Variants in DOK3 observed in about 807,000 individuals in gnomAD.
DOK3 encodes the protein docking protein 3.
Under a neutral mutation model 26.2 loss-of-function variants are expected in DOK3, and 23 were observed. That is an observed-to-expected ratio of 0.88 (90% CI 0.63 to 1.24). DOK3 has a LOEUF of 1.24. DOK3 is among the 50% of genes most tolerant of loss of function. DOK3 has a pLI of 0.00. For missense variants in DOK3, 619 were observed against 610.6 expected (o/e 1.01, Z -0.15); for synonymous variants, 268 against 268.2 (o/e 1.00, Z 0.01).
At position 177,504,487 on chromosome 5, in the gene DOK3, GGTGGCCC is replaced by G; in HGVS notation, c.812_818del (p.Arg271ProfsTer41). The G allele has an allele frequency of 1.3e-6, 2 of 1,585,996 alleles. No homozygotes were observed. Among genetic ancestry groups the G allele is most frequent in the Non-Finnish European group, 1.7e-6 (2 of 1,168,858 alleles). On this transcript the variant is annotated frameshift_variant, in exon 6 of 6. Transcript: ENST00000510898. LOFTEE classifies it low-confidence loss of function (END_TRUNC). ...CGGGGGTGTCCAGGGAGGGCAGAGA[GGTGGCCC>G]GTGGCAGGGGGCAGGGCTGGGGCCT...
chr5:177,508,738 T>C, intron 2 of DOK3, 196 bp from the exon 3 acceptor site: 1 of 532,044 alleles, frequency 1.9e-6, no homozygotes. Context: ...AGCCCGCTCT[T>C]TCCTAACTGT....
upstream of DOK3, chr5:177,510,028 C>T (rs1368642819): frequency 7.3e-6 from 6 of 824,882 alleles, no homozygotes; most frequent in Non-Finnish European, 1.1e-5. Context: ...TGAAATCTCT[C>T]TCGTGTTCAC....
At position 177,503,623 on chromosome 5, in the gene DOK3, T is replaced by G; in HGVS notation, c.*360A>C. On this transcript the variant is annotated 3_prime_UTR_variant, in exon 6 of 6. Coordinates refer to ENST00000510898, the MANE Select transcript of DOK3 (RefSeq NM_001308236.3). Reference sequence around the variant, plus strand: ...CAGAGCAACATGGAGTCCTAATGATTTCCATCCCGTCTGTCTGCTGCAGTG... The same window carrying G: ...CAGAGCAACATGGAGTCCTAATGATGTCCATCCCGTCTGTCTGCTGCAGTG... The G allele has an allele frequency of 4.7e-6, 6 of 1,289,766 alleles. No homozygotes were observed. Among genetic ancestry groups the G allele is most frequent in the Non-Finnish European group, 6.1e-6 (6 of 978,754 alleles). 79.9% of individuals were successfully genotyped at this position (1,289,766 alleles called of 1,614,324 possible).
At chr5:177,506,779 C>T (rs1760237133) in intron 3 of DOK3, among the ~76,000 whole-genome samples, 1 of 150,998 alleles carries the variant, frequency 6.6e-6, no homozygotes. Context: ...ACCTCTGCCT[C>T]CCAGGTTCAA....
chr5:177,506,365 C>G (rs1354986916), intron 3 of DOK3, among the ~76,000 whole-genome samples: 1 of 140,680 alleles, frequency 7.1e-6, no homozygotes, highest in East Asian at 2.1e-4. Flanking sequence ...AAGTCTTGCT[C>G]TGTCGGCCAG....
rs1157742556 is a variant in DOK3, at chr5:177,503,785, TTTA to T, written c.*195_*197del. The T allele has an allele frequency of 7.0e-7, 1 of 1,424,448 alleles. No individual in the cohort carries two copies. The highest frequency in any genetic ancestry group is 9.1e-7 in the Non-Finnish European group (1 of 1,094,194). 88.2% of individuals were successfully genotyped at this position (1,424,448 alleles called of 1,614,324 possible). On this transcript the variant is annotated 3_prime_UTR_variant, in exon 6 of 6. Coordinates refer to ENST00000510898, the MANE Select transcript of DOK3 (RefSeq NM_001308236.3). ...GCCCCTGCCGGGAGCTGCTCTGAGC[TTTA>T]TTATCTGTGAGTCTGCACACTATTC... is the stretch of plus-strand genomic sequence containing the variant.
In DOK3 at chr5:177,508,343, G is replaced by C. The variant is rs1332363872; in HGVS notation, c.266C>G (p.Pro89Arg). 3 of 1,598,954 alleles carry C rather than the reference G, an allele frequency of 1.9e-6. No individual in the cohort carries two copies. The African/African-American group carries it at 4.0e-5, about 21-fold the overall frequency. Residue 89 changes from proline (P) to arginine (R), a missense_variant, in exon 3 of 6, where the codon CCC (proline) becomes CGC (arginine). Transcript: ENST00000510898. ...GAGCAGGAAGGCACCGGTGTCCCGG[G>C]GGCAGCTCTCGCCGTCAGCCGGCAG... ...SVLPADGESC[P>R]RDTGAFLLTT...
In DOK3 at chr5:177,502,665, A is replaced by C; in HGVS notation, c.*1318T>G. 1 of 189,942 alleles carries C rather than the reference A, an allele frequency of 5.3e-6. No homozygotes were observed. Among genetic ancestry groups the C allele is most frequent in the African/African-American group, 2.3e-5 (1 of 42,912 alleles). 11.8% of individuals were successfully genotyped at this position (189,942 alleles called of 1,614,324 possible). ...TGGGGAGGAGAAAAGCTGCCCTACT[A>C]GGGAACAGGGTCTCTTGTGGCAGGG... On this transcript the variant is annotated 3_prime_UTR_variant, in exon 6 of 6. Coordinates refer to ENST00000510898, the MANE Select transcript of DOK3 (RefSeq NM_001308236.3).
chr5:177,502,616 T>G lies in DOK3; in HGVS notation c.*1367A>C. 1.2e-5 allele frequency: 2 copies of G among 166,860 alleles called. No individual in the cohort carries two copies. Among genetic ancestry groups the G allele is most frequent in the Non-Finnish European group, 2.6e-5 (2 of 77,340 alleles). 10.3% of individuals were successfully genotyped at this position (166,860 alleles called of 1,614,324 possible). A position where few individuals can be genotyped will look rare whatever the true frequency, so the allele number is the denominator to read the frequency against. On this transcript the variant is annotated 3_prime_UTR_variant, in exon 6 of 6. Coordinates refer to ENST00000510898, the MANE Select transcript of DOK3 (RefSeq NM_001308236.3). ...CCCCAATATGCCTGTGAGGAGACAT[T>G]GGGTGGGGATAGACAGGAGGTTCTG...
rs1362566101 is a variant in DOK3, at chr5:177,509,125, GC to G, written c.66+349del. ...TGCAGGGAGGGGCTCCACCCTTGAG[GC>G]CTCCTCCAGCTCAGCCCCTCACCCT... is the stretch of plus-strand genomic sequence containing the variant. On this transcript the variant is annotated intron_variant, in intron 2 of 5. Transcript: ENST00000510898. 2.6e-5 allele frequency: 6 copies of G among 233,602 alleles called. No homozygotes were observed. The Admixed American group carries it at 3.1e-4, about 12-fold the overall frequency. 14.5% of individuals were successfully genotyped at this position (233,602 alleles called of 1,614,324 possible). A position where few individuals can be genotyped will look rare whatever the true frequency, so the allele number is the denominator to read the frequency against.
rs1759532973 is a variant in DOK3, at chr5:177,503,190, G to A, written c.*793C>T. 1 of 1,551,696 alleles carries A rather than the reference G, an allele frequency of 6.4e-7. No homozygotes were observed. The highest frequency in any genetic ancestry group is 8.7e-7 in the Non-Finnish European group (1 of 1,146,962). On this transcript the variant is annotated 3_prime_UTR_variant, in exon 6 of 6. Transcript: ENST00000510898. ...GGAGCAGAGGAGGGAACGCAGCATG[G>A]AAGTCTTCAGGAAACTTCTCTCCCC...
chr5:177,504,203 C>CG lies in DOK3; in HGVS notation c.1102dup (p.Arg368ProfsTer46). On this transcript the variant is annotated frameshift_variant, in exon 6 of 6. Coordinates refer to ENST00000510898, the MANE Select transcript of DOK3 (RefSeq NM_001308236.3). LOFTEE classifies it low-confidence loss of function (END_TRUNC). Reference sequence around the variant, plus strand: ...GTAGATGGGACTGGTTGTGGGGCTGCGGCTGCCGGGGCCCTCGTGCGGCTC... The same window carrying CG: ...GTAGATGGGACTGGTTGTGGGGCTGCGGGCTGCCGGGGCCCTCGTGCGGCTC... The CG allele has an allele frequency of 6.2e-7, 1 of 1,613,110 alleles. No homozygotes were observed. The highest frequency in any genetic ancestry group is 8.5e-7 in the Non-Finnish European group (1 of 1,179,666).
In DOK3 at chr5:177,504,383, C is replaced by T. The variant is rs1001480774; in HGVS notation, c.923G>A (p.Ser308Asn). Residue 308 changes from serine (S) to asparagine (N), a missense_variant, in exon 6 of 6, where the codon AGC becomes AAC. Physicochemically the swap from Ser to Asn is conservative, Grantham distance 46. Coordinates refer to ENST00000510898, the MANE Select transcript of DOK3 (RefSeq NM_001308236.3). ...CTCCGGGCCTAGCAGTAGCGGCAGG[C>T]TCTGGGGTCCGGGCTCGGCCAGGTG... ...KMHLAEPGPQ[S>N]LPLLLGPEPN... 1.2e-5 allele frequency: 19 copies of T among 1,567,030 alleles called. No individual in the cohort carries two copies. The highest frequency in any genetic ancestry group is 1.6e-5 in the Non-Finnish European group (19 of 1,155,634).
chr5:177,505,584 C>T (rs1760020462), intron 3 of DOK3, among the ~76,000 whole-genome samples: 1 of 152,180 alleles, frequency 6.6e-6, no homozygotes, highest in Admixed American at 6.5e-5. Context: ...CCACCCTGGC[C>T]CATAGCAACA....
Position 177,504,572 on chromosome 5 carries a change from C to T in DOK3, c.734G>A (p.Arg245Lys), listed in dbSNP as rs936766277. The change falls in exon 6 of 6, where the codon AGG (arginine) becomes AAG (lysine). Residue 245 changes from arginine to lysine, a missense_variant. By Grantham distance (26) the Arg-to-Lys change is conservative. Transcript: ENST00000510898. ...GCGGGCGATGGCCCCGGCCACAGCC[C>T]TGCACAGGTCAGGGGCACAGGGGGT... ...FSTPCAPDLC[R>K]AVAGAIARQR... The T allele has an allele frequency of 1.2e-6, 2 of 1,603,536 alleles. No individual in the cohort carries two copies.
chr5:177,505,484 T>C (rs1760002012), intron 3 of DOK3, among the ~76,000 whole-genome samples: 1 of 152,188 alleles, frequency 6.6e-6, no homozygotes, highest in Non-Finnish European at 1.5e-5. Flanking sequence ...GCTATGACCC[T>C]GCAAGGTGCC....
At chr5:177,505,332 G>GAC (rs1759974621) in intron 3 of DOK3, among the ~76,000 whole-genome samples, 1 of 152,166 alleles carries the variant, frequency 6.6e-6, no homozygotes, top group African/African-American at 2.4e-5. Context: ...CACTGTGCTT[G>GAC]AGGGTGTCTG....
Position 177,504,463 on chromosome 5 carries a change from G to A in DOK3, c.843C>T (p.Pro281=), listed in dbSNP as rs565461106. 51 of 1,582,808 alleles carry A rather than the reference G, an allele frequency of 3.2e-5. 1 individual carries two copies. The highest frequency in any genetic ancestry group is 4.0e-5 in the African/African-American group (3 of 74,138). The stretch of plus-strand genomic sequence containing the variant: ...CTGGTGGCATCTCCCGAAGCTCTCC[G>A]GGGGTGTCCAGGGAGGGCAGAGAGG... The part of the protein sequence containing the change: ...RATSLPSLDT[P]GELREMPPGP... Residue 281 remains proline (P), a synonymous_variant, in exon 6 of 6, where the codon CCC becomes CCT. Transcript: ENST00000510898.
intron 2 of DOK3, chr5:177,509,274 C>T: frequency 1.7e-6 from 1 of 594,552 alleles, no homozygotes; most frequent in Admixed American, 3.7e-5. Context: ...GAGGCAGGGT[C>T]TGGCAGAGCC....
Sources: gnomAD v4.1 joint callset for allele counts (sites outside exome capture counted in the v4.1 genomes callset) on GRCh38, gnomAD v4.1.1 for gene constraint, MANE v1.5 for transcripts, NCBI Gene and HGNC (gene_info 2026-07-23, HGNC 2026-07-21) for gene names.